KCNJ3: variants seen among roughly 807,000 people sequenced by gnomAD.
The protein encoded by KCNJ3 is G protein-activated inward rectifier potassium channel 1.
A neutral mutation model predicts 39.2 loss-of-function variants in KCNJ3; 4 were observed. The observed-to-expected ratio is 0.10, with a 90% CI of 0.05 to 0.23. KCNJ3 has a LOEUF of 0.23. KCNJ3 is among the 10% of genes least tolerant of loss of function. The pLI, the probability that KCNJ3 is intolerant of heterozygous loss-of-function variation, is 1.00. For synonymous variants in KCNJ3, 230 were observed against 237.4 expected, an observed-to-expected ratio of 0.97 and a Z score of 0.29; for missense variants, 276 against 634.9, an observed-to-expected ratio of 0.43 and a Z score of 6.08.
At chr2:154,741,905 A>T (rs1205447361) in intron 2 of KCNJ3, among the ~76,000 whole-genome samples, 1 of 151,904 alleles carries the variant, frequency 6.6e-6, no homozygotes, top group East Asian at 1.9e-4. Flanking sequence ...TTTACATCTT[A>T]ACTATTTAAA....
At chr2:154,774,191 T>C (rs1686291907) in intron 2 of KCNJ3, among the ~76,000 whole-genome samples, 1 of 152,134 alleles carries the variant, frequency 6.6e-6, no homozygotes, top group Non-Finnish European at 1.5e-5. Context: ...TGACATATAT[T>C]CTCAAAATGA....
intron 2 of KCNJ3, among the ~76,000 whole-genome samples, chr2:154,728,771 C>T (rs781653520): frequency 2.0e-5 from 3 of 151,980 alleles, no homozygotes; most frequent in South Asian, 2.1e-4. Flanking sequence ...ATGTAGTATT[C>T]GTGGGATTCT....
At chr2:154,780,816 A>G (rs1374139971) in intron 2 of KCNJ3, among the ~76,000 whole-genome samples, 1 of 152,202 alleles carries the variant, frequency 6.6e-6, no homozygotes. Context: ...ATTTCTGAAC[A>G]GCAAAGAAAC....
Position 154,855,073 on chromosome 2 carries a change from A to C in KCNJ3, c.1266A>C (p.Thr422=). 2 of 1,614,122 alleles carry C rather than the reference A, an allele frequency of 1.2e-6. No individual in the cohort carries two copies. Among genetic ancestry groups the C allele is most frequent in the Non-Finnish European group, 8.5e-7 (1 of 1,179,980 alleles). The change falls in exon 3 of 3, where the codon ACA becomes ACC. Residue 422 remains threonine (T), a synonymous_variant. Coordinates refer to ENST00000295101, the MANE Select transcript of KCNJ3 (RefSeq NM_002239.4). ...AAAAACTCTTGAGGATGAGTTCTAC[A>C]ACTTCAGAAAAAGCCTACAGCTTGG... ...FPKKLLRMSS[T]TSEKAYSLGD... is the part of the protein sequence containing the mutation.
intron 2 of KCNJ3, among the ~76,000 whole-genome samples, chr2:154,809,524 AG>A (rs1686972555): frequency 6.6e-6 from 1 of 152,232 alleles, no homozygotes; most frequent in Non-Finnish European, 1.5e-5. Context: ...TACAAGGCAG[AG>A]AATAAGTAAC....
chr2:154,746,081 G>T (rs1269871629), intron 2 of KCNJ3, among the ~76,000 whole-genome samples: 1 of 151,594 alleles, frequency 6.6e-6, no homozygotes, highest in African/African-American at 2.4e-5. Context: ...AACATGACAA[G>T]AATGAATACC....
At chr2:154,709,384 T>A in intron 1 of KCNJ3, 1 of 561,080 alleles carries the variant, frequency 1.8e-6, no homozygotes, top group South Asian at 2.1e-5. Flanking sequence ...ATGGTAATTA[T>A]AGCAAGTTGT....
intron 2 of KCNJ3, among the ~76,000 whole-genome samples, chr2:154,786,988 G>A (rs1239869725): frequency 6.6e-6 from 1 of 152,022 alleles, no homozygotes; most frequent in African/African-American, 2.4e-5. Flanking sequence ...TATAACTTGA[G>A]GTATGAAGTG....
intron 2 of KCNJ3, among the ~76,000 whole-genome samples, chr2:154,819,911 C>CAA (rs5835548): frequency 0.22 from 33,258 of 148,252 alleles, 4,304 homozygotes; most frequent in Non-Finnish European, 0.3. Context: ...TCCAGATTGG[C>CAA]AAAAAAAAAA....
At chr2:154,827,827 C>T (rs1687295287) in intron 2 of KCNJ3, among the ~76,000 whole-genome samples, 1 of 152,066 alleles carries the variant, frequency 6.6e-6, no homozygotes, top group East Asian at 1.9e-4. Flanking sequence ...TAAATATAAA[C>T]ACGTCTTAGT....
chr2:154,735,068 C>CGTGTGTGTGTGTGTGTGTGTGTGTGT (rs1171630763), intron 2 of KCNJ3, among the ~76,000 whole-genome samples: 2 of 103,758 alleles, frequency 1.9e-5, no homozygotes, highest in East Asian at 3.2e-4. Context: ...CCCTTGTAGG[C>CGTGTGTGTGTGTGTGTGTGTGTGTGT]CTGTGTGTGT....
chr2:154,716,013 T>C (rs886126814), intron 2 of KCNJ3, among the ~76,000 whole-genome samples: 3 of 152,168 alleles, frequency 2.0e-5, no homozygotes, highest in African/African-American at 7.2e-5. Context: ...TGGTTTGTAA[T>C]ACATATTGCA....
intron 2 of KCNJ3, among the ~76,000 whole-genome samples, chr2:154,768,125 G>A (rs75029242): frequency 0.13 from 19,092 of 152,008 alleles, 2,097 homozygotes; most frequent in African/African-American, 0.29. Context: ...ATTTTCTCCC[G>A]TTCTGTAGGT....
intron 2 of KCNJ3, among the ~76,000 whole-genome samples, chr2:154,806,928 A>T (rs192068245): frequency 1.8e-3 from 278 of 152,286 alleles, no homozygotes; most frequent in Non-Finnish European, 3.2e-3. Flanking sequence ...CACGGGTTTC[A>T]CCTTGGTCTC....
At chr2:154,833,683 T>C (rs77759042) in intron 2 of KCNJ3, among the ~76,000 whole-genome samples, 8 of 152,226 alleles carry the variant, frequency 5.3e-5, no homozygotes, top group African/African-American at 1.9e-4. Flanking sequence ...ATCTCTGGTA[T>C]TCTATCTATT....
intron 2 of KCNJ3, among the ~76,000 whole-genome samples, chr2:154,717,881 G>A (rs567780104): frequency 6.6e-6 from 1 of 152,184 alleles, no homozygotes; most frequent in African/African-American, 2.4e-5. Context: ...AGCAAACTAC[G>A]TAGTGTTATG....
At chr2:154,791,748 C>A (rs1223000605) in intron 2 of KCNJ3, among the ~76,000 whole-genome samples, 1 of 151,876 alleles carries the variant, frequency 6.6e-6, no homozygotes, top group African/African-American at 2.4e-5. Flanking sequence ...TTAATACAGC[C>A]AAGGTTAGTG....
chr2:154,816,305 T>G (rs1687082746), intron 2 of KCNJ3, among the ~76,000 whole-genome samples: 1 of 152,210 alleles, frequency 6.6e-6, no homozygotes, highest in Non-Finnish European at 1.5e-5. Context: ...AAAAAGTTGC[T>G]CATTTAAAAA....
chr2:154,756,770 T>C (rs981151861), intron 2 of KCNJ3, among the ~76,000 whole-genome samples: 1 of 151,912 alleles, frequency 6.6e-6, no homozygotes, highest in Non-Finnish European at 1.5e-5. Context: ...TAAAAATAAA[T>C]AAAATAAAAT....
Sources: allele counts gnomAD v4.1 joint callset (sites outside exome capture counted in the v4.1 genomes callset), GRCh38; gene constraint gnomAD v4.1.1; transcripts MANE v1.5; gene names NCBI Gene and HGNC (gene_info 2026-07-23, HGNC 2026-07-21).